Variants in FARP1 observed in about 807,000 individuals in gnomAD.
The protein encoded by FARP1 is FERM, ARH/RhoGEF and pleckstrin domain protein 1.
A neutral mutation model predicts 128.8 loss-of-function variants in FARP1; 52 were observed. The ratio of observed to expected loss-of-function variants is 0.40; its 90% CI spans 0.32 to 0.51. The LOEUF is 0.51. Ranked by LOEUF, FARP1 falls within the 20% of genes least tolerant of loss-of-function variation. The pLI is 0.45. For missense variants in FARP1, 1,333 were observed against 1,367.9 expected, an observed-to-expected ratio of 0.97 and a Z score of 0.40; for synonymous variants, 580 against 551.8, an observed-to-expected ratio of 1.05 and a Z score of -0.72.
intron 2 of FARP1, among the ~76,000 whole-genome samples, chr13:98,225,461 A>G (rs1226324465): frequency 6.6e-6 from 1 of 152,148 alleles, no homozygotes; most frequent in Admixed American, 6.5e-5. Context: ...TCCAAGTACA[A>G]CAGTACGAGT....
Position 98,411,996 on chromosome 13 carries a change from T to C in FARP1, c.1788T>C (p.Thr596=). 6.2e-7 allele frequency: 1 copy of C among 1,614,070 alleles called. No individual in the cohort carries two copies. The highest frequency in any genetic ancestry group is 8.5e-7 in the Non-Finnish European group (1 of 1,179,906). Reference sequence around the variant, plus strand: ...TTGAACCTTTGCACAAATTTCATACTAATTTTCTCAAGGAAATTGAGCAAC... The same window carrying C: ...TTGAACCTTTGCACAAATTTCATACCAATTTTCTCAAGGAAATTGAGCAAC... ...PNFEPLHKFH[T]NFLKEIEQRL... is the part of the protein sequence containing the mutation. Residue 596 remains threonine, a synonymous_variant, in exon 16 of 27, where the codon ACT becomes ACC. Coordinates refer to ENST00000319562, the MANE Select transcript of FARP1 (RefSeq NM_005766.4).
At chr13:98,369,447 G>A (rs1252959464) in intron 5 of FARP1, among the ~76,000 whole-genome samples, 3 of 149,820 alleles carry the variant, frequency 2.0e-5, no homozygotes, top group Non-Finnish European at 4.4e-5. Context: ...CATGTGCCAT[G>A]CTGGTGTGCT....
chr13:98,170,218 CTG>C (rs1309802606), intron 1 of FARP1, among the ~76,000 whole-genome samples: 2 of 152,156 alleles, frequency 1.3e-5, no homozygotes, highest in African/African-American at 4.8e-5. Context: ...GAGTCTTACT[CTG>C]TCACCCAGGC....
Position 98,176,687 on chromosome 13 carries a change from G to T in FARP1, c.-24+33195G>T, listed in dbSNP as rs774163109. 6.2e-7 allele frequency: 1 copy of T among 1,614,200 alleles called. No individual in the cohort carries two copies. Among genetic ancestry groups the T allele is most frequent in the Admixed American group, 1.7e-5 (1 of 60,028 alleles). On this transcript the variant is annotated intron_variant, in intron 1 of 26. Coordinates refer to ENST00000319562, the MANE Select transcript of FARP1 (RefSeq NM_005766.4). The surrounding 1 kb of genome is among the most constrained non-coding windows in gnomAD (Gnocchi z 6.2). ...TGGTAATCCCAGCGCACAGTGGCGC[G>T]CAGATGCCCTGGCGCACGTATGGGG...
rs555929303 is a variant in FARP1 at position 98,298,095 on chromosome 13, TG to T, written c.172-45664del. ...CATGTCAGGCTGTGTAGGACTGTGA[TG>T]GGAACTGCCCCAAGCCCCAGAGCTG... is the stretch of plus-strand genomic sequence containing the variant. On this transcript the variant is annotated intron_variant, in intron 2 of 26. Transcript: ENST00000319562. Among the ~76,000 whole-genome samples, 13 of 152,314 alleles carry T rather than the reference TG, an allele frequency of 8.5e-5. No homozygotes were observed. The South Asian group carries it at 2.7e-3, about 32-fold the overall frequency.
At chr13:98,263,255 G>C (rs751558263) in intron 2 of FARP1, among the ~76,000 whole-genome samples, 30 of 151,998 alleles carry the variant, frequency 2.0e-4, no homozygotes, top group Non-Finnish European at 3.4e-4. Flanking sequence ...TTATCTGCCC[G>C]GCTCGGCCTC....
chr13:98,411,190 A>G (rs1891178475), intron 15 of FARP1, among the ~76,000 whole-genome samples: 1 of 152,174 alleles, frequency 6.6e-6, no homozygotes, highest in African/African-American at 2.4e-5. Context: ...GATTCATTTT[A>G]TCTTTGATAA....
intron 3 of FARP1, 59 bp downstream of exon 3, chr13:98,343,925 G>A (rs764803512): frequency 1.0e-5 from 11 of 1,092,750 alleles, no homozygotes; most frequent in African/African-American, 1.6e-5. Context: ...GTGGGGGGCT[G>A]GGCAGGGGCC....
chr13:98,188,701 A>G (rs79886989), intron 1 of FARP1, among the ~76,000 whole-genome samples: 6,223 of 152,146 alleles, frequency 0.041, 406 homozygotes, highest in African/African-American at 0.14. Flanking sequence ...GGGCTTCACT[A>G]TGGCTCTAAG....
intron 1 of FARP1, among the ~76,000 whole-genome samples, chr13:98,167,405 C>CTT (rs11388623): frequency 1.8e-3 from 229 of 129,702 alleles, no homozygotes; most frequent in South Asian, 4.7e-3. Flanking sequence ...AACAGTTTTA[C>CTT]TTTTTTTTTT....
At chr13:98,310,494 T>C (rs582726) in intron 2 of FARP1, among the ~76,000 whole-genome samples, 129,155 of 152,238 alleles carry the variant, frequency 0.85, 55,267 homozygotes, top group East Asian at 1. Context: ...GGAATTTAAA[T>C]ATTCCAATCT....
chr13:98,437,791 C>T (rs755635061), intron 19 of FARP1: 3 of 1,589,898 alleles, frequency 1.9e-6, no homozygotes, highest in Non-Finnish European at 2.6e-6. Context: ...CTTATTAGGA[C>T]TCCACACTTA....
intron 2 of FARP1, among the ~76,000 whole-genome samples, chr13:98,249,813 G>A (rs556261690): frequency 7.6e-4 from 115 of 152,230 alleles, no homozygotes; most frequent in African/African-American, 2.0e-3. Flanking sequence ...ATGGTTCCCC[G>A]TGGTGGTATT....
At chr13:98,294,754 T>C (rs1885587416) in intron 2 of FARP1, among the ~76,000 whole-genome samples, 1 of 152,146 alleles carries the variant, frequency 6.6e-6, no homozygotes, top group Non-Finnish European at 1.5e-5. Context: ...TGGTGGCTCA[T>C]GCCTGTAATC....
At chr13:98,165,710 G>GTTTGTTTTTTTTTTT (rs1877205378) in intron 1 of FARP1, among the ~76,000 whole-genome samples, 1 of 74,120 alleles carries the variant, frequency 1.3e-5, no homozygotes, top group Non-Finnish European at 2.4e-5. Flanking sequence ...TCCAGAAGGG[G>GTTTGTTTTTTTTTTT]TTTTTTTTTT....
intron 16 of FARP1, among the ~76,000 whole-genome samples, chr13:98,415,449 G>GTGAATGAATGAA (rs922974340): frequency 8.9e-6 from 1 of 112,074 alleles, no homozygotes; most frequent in Non-Finnish European, 1.7e-5. Flanking sequence ...GAATGAATGA[G>GTGAATGAATGAA]TGAATGAATG....
chr13:98,278,854 C>T (rs1440302602), intron 2 of FARP1, among the ~76,000 whole-genome samples: 1 of 151,312 alleles, frequency 6.6e-6, no homozygotes. Flanking sequence ...GAGACAGAGT[C>T]TCCCTCTGTT....
chr13:98,262,018 C>T (rs1883906817), intron 2 of FARP1, among the ~76,000 whole-genome samples: 1 of 148,244 alleles, frequency 6.7e-6, no homozygotes, highest in East Asian at 2.0e-4. Flanking sequence ...CCCCCGCCCC[C>T]CCAACTTTTT....
At chr13:98,162,747 C>G (rs773208412) in intron 1 of FARP1, among the ~76,000 whole-genome samples, 4 of 152,176 alleles carry the variant, frequency 2.6e-5, no homozygotes, top group Non-Finnish European at 5.9e-5. Context: ...TAGAGATGCT[C>G]TAACAATGTT....
Sources: gnomAD v4.1 joint callset for allele counts (sites outside exome capture counted in the v4.1 genomes callset) on GRCh38, gnomAD v4.1.1 for gene constraint, Gnocchi (gnomAD v3.1) non-coding constraint, MANE v1.5 for transcripts, NCBI Gene and HGNC (gene_info 2026-07-23, HGNC 2026-07-21) for gene names.